COPB2: variants seen among roughly 807,000 people sequenced by gnomAD.
COPB2 encodes coat protein complex I subunit beta 2.
A neutral mutation model predicts 120.8 loss-of-function variants in COPB2; 16 were observed. The observed-to-expected ratio is 0.13, with a 90% CI of 0.09 to 0.20. The LOEUF (loss-of-function observed/expected upper bound fraction) is 0.20. Among genes scored for constraint, COPB2 ranks in the 10% least tolerant of loss-of-function variants. The pLI, the probability that COPB2 is intolerant of heterozygous loss-of-function variation, is 1.00. For missense variants in COPB2, 794 were observed against 1,076.5 expected, an observed-to-expected ratio of 0.74 and a Z score of 3.67; for synonymous variants, 332 against 366.3, an observed-to-expected ratio of 0.91 and a Z score of 1.07.
intron 15 of COPB2, 39 bp downstream of exon 15, chr3:139,366,529 A>G (rs781655039): frequency 2.9e-5 from 45 of 1,548,574 alleles, no homozygotes; most frequent in Non-Finnish European, 3.5e-5. Flanking sequence ...TCAAATTGCA[A>G]GTTTTAAAAA....
At position 139,359,145 on chromosome 3, in the gene COPB2, T is replaced by A; in HGVS notation, c.2337A>T (p.Lys779Asn). 6.2e-7 allele frequency: 1 copy of A among 1,613,934 alleles called. No individual in the cohort carries two copies. The stretch of plus-strand genomic sequence containing the variant: ...GGGATTCTGCTGCTTTCTGATTGAC[T>A]TTTGAGAGATTCTCTCTCCAGAGTT... Reference protein sequence around the residue: ...VVKLWRENLSKVNQKAAESLA... With the variant: ...VVKLWRENLSNVNQKAAESLA... Residue 779 changes from lysine to asparagine, a missense_variant, in exon 19 of 22, where the codon AAA becomes AAT. Physicochemically the swap from Lys to Asn is moderately conservative, Grantham distance 94 (BLOSUM62 0). This residue lies in a region of COPB2 where 178 missense variants were observed against 183.2 expected (regional missense o/e 0.97). Transcript: ENST00000333188.
At position 139,357,671 on chromosome 3, in the gene COPB2, AAC is replaced by A. The variant is rs1377688312; in HGVS notation, c.*190_*191del. 38 of 419,592 alleles carry A rather than the reference AAC, an allele frequency of 9.1e-5. No homozygotes were observed. Among genetic ancestry groups the A allele is most frequent in the African/African-American group, 3.7e-4 (18 of 48,736 alleles). The allele number at this position is 419,592 out of a possible 1,614,324, so 26.0% of individuals were successfully genotyped here. A position where few individuals can be genotyped will look rare whatever the true frequency, so the allele number is the denominator to read the frequency against. Reference sequence around the variant, plus strand: ...CATGTCTGTTTTAGTTAACAAGGAAAACACAGTGATTTAAATGCTGCACATAA... The same window carrying A: ...CATGTCTGTTTTAGTTAACAAGGAAAACAGTGATTTAAATGCTGCACATAA... On this transcript the variant is annotated 3_prime_UTR_variant, in exon 22 of 22. Coordinates refer to ENST00000333188, the MANE Select transcript of COPB2 (RefSeq NM_004766.3).
At chr3:139,371,520 C>G (rs1941622729) in intron 10 of COPB2, among the ~76,000 whole-genome samples, 1 of 152,214 alleles carries the variant, frequency 6.6e-6, no homozygotes, top group Non-Finnish European at 1.5e-5. Flanking sequence ...TTGAGTGAGC[C>G]AGCCTAACGC....
At chr3:139,371,196 A>G (rs1413110315) in intron 10 of COPB2, among the ~76,000 whole-genome samples, 1 of 152,256 alleles carries the variant, frequency 6.6e-6, no homozygotes, top group Admixed American at 6.5e-5. Context: ...TAATGAGAAC[A>G]TTTTATGAAC....
intron 6 of COPB2, 23 bp downstream of exon 6, chr3:139,375,442 GGAA>G (rs753595093): frequency 6.3e-7 from 1 of 1,598,330 alleles, no homozygotes; most frequent in East Asian, 2.2e-5. Flanking sequence ...TCTAACATAT[GGAA>G]GTAAGGTTAT....
chr3:139,369,773 A>C (rs558398254), intron 10 of COPB2, among the ~76,000 whole-genome samples: 1 of 152,354 alleles, frequency 6.6e-6, no homozygotes, highest in South Asian at 2.1e-4. Context: ...TAGGGCTTAC[A>C]AACCACTTTA....
At chr3:139,371,232 T>G (rs959550817) in intron 10 of COPB2, among the ~76,000 whole-genome samples, 1 of 152,234 alleles carries the variant, frequency 6.6e-6, no homozygotes, top group African/African-American at 2.4e-5. Flanking sequence ...AGAAATTTGT[T>G]AAGAATGGGC....
intron 10 of COPB2, among the ~76,000 whole-genome samples, chr3:139,369,999 C>G (rs1287411383): frequency 6.6e-6 from 1 of 152,160 alleles, no homozygotes; most frequent in Non-Finnish European, 1.5e-5. Flanking sequence ...AAAGACAACT[C>G]TAATCTATAT....
intron 5 of COPB2, among the ~76,000 whole-genome samples, chr3:139,377,197 C>T (rs1941729354): frequency 6.6e-6 from 1 of 152,158 alleles, no homozygotes; most frequent in African/African-American, 2.4e-5. Context: ...TCCCCCAAAT[C>T]CAGTATTTCA....
Position 139,359,028 on chromosome 3 carries a change from C to T in COPB2, c.2454G>A (p.Leu818=), listed in dbSNP as rs753902690. The T allele has an allele frequency of 6.2e-7, 1 of 1,613,380 alleles. No individual in the cohort carries two copies. The highest frequency in any genetic ancestry group is 1.3e-5 in the African/African-American group (1 of 74,894). Residue 818 remains leucine (L), a synonymous_variant, in exon 19 of 22, where the codon CTG becomes CTA. Coordinates refer to ENST00000333188, the MANE Select transcript of COPB2 (RefSeq NM_004766.3). ...CAAGTGGGTATTGTTTGGCTGGCCA[C>T]AGATCAGCATGTGTTTCCTTCACCC... ...EEWVKETHAD[L]WPAKQYPLVT...
intron 19 of COPB2, 33 bp downstream of exon 19, chr3:139,358,965 C>T: frequency 1.9e-6 from 3 of 1,603,844 alleles, no homozygotes; most frequent in Non-Finnish European, 2.6e-6. Context: ...CCTGTAGTTA[C>T]AATAAATGAA....
At chr3:139,375,447 T>A (rs1941695859) in intron 6 of COPB2, 21 bp downstream of exon 6, 1 of 1,606,622 alleles carries the variant, frequency 6.2e-7, no homozygotes, top group Non-Finnish European at 8.5e-7. Flanking sequence ...CATATGGAAG[T>A]AAGGTTATGA....
chr3:139,388,124 CAGA>C (rs1941958289), intron 1 of COPB2, among the ~76,000 whole-genome samples: 2 of 152,066 alleles, frequency 1.3e-5, no homozygotes, highest in East Asian at 3.9e-4. Context: ...TGAAATTAGG[CAGA>C]TCCAAGAGCC....
At position 139,366,624 on chromosome 3, in the gene COPB2, G is replaced by T; in HGVS notation, c.1828C>A (p.Leu610Ile). The T allele has an allele frequency of 6.2e-7, 1 of 1,614,058 alleles. No homozygotes were observed. Among genetic ancestry groups the T allele is most frequent in the Non-Finnish European group, 8.5e-7 (1 of 1,179,962 alleles). ...CTCTGTTCTTTTGGAATGGTAGGAAGGACCTTATCAGCCATGCTAAAGTCC... is the reference window on the plus strand; with the variant it reads ...CTCTGTTCTTTTGGAATGGTAGGAATGACCTTATCAGCCATGCTAAAGTCC... Reference protein sequence around the residue: ...RRDFSMADKVLPTIPKEQRTR... With the variant: ...RRDFSMADKVIPTIPKEQRTR... The change falls in exon 15 of 22, where the codon CTT (leucine) becomes ATT (isoleucine). Residue 610 changes from leucine (L) to isoleucine (I), a missense_variant. This residue lies in a region of COPB2 where 610 missense variants were observed against 866.7 expected (regional missense o/e 0.70). Coordinates refer to ENST00000333188, the MANE Select transcript of COPB2 (RefSeq NM_004766.3).
chr3:139,358,297 T>G, intron 20 of COPB2, 26 bp from the exon 21 acceptor site: 1 of 1,588,760 alleles, frequency 6.3e-7, no homozygotes. Context: ...AAGATATATA[T>G]GAAGACAAGG....
chr3:139,358,726 A>G lies in COPB2; in HGVS notation c.2553+18T>C, dbSNP rs767702153. ...GAACCATCTCAGCCAAATTTATCAC[A>G]TGAAGTGCTCTACTGACCTGTTGAG... On this transcript the variant is annotated intron_variant, in intron 20 of 21. Transcript: ENST00000333188. 2.5e-6 allele frequency: 4 copies of G among 1,576,068 alleles called. No homozygotes were observed. The highest frequency in any genetic ancestry group is 2.2e-5 in the South Asian group (2 of 90,048).
intron 12 of COPB2, among the ~76,000 whole-genome samples, chr3:139,368,544 C>A (rs971233300): frequency 5.3e-5 from 8 of 152,142 alleles, no homozygotes; most frequent in African/African-American, 1.4e-4. Flanking sequence ...CACAGAGGAC[C>A]AGTAGCCTAT....
intron 2 of COPB2, chr3:139,379,721 C>T (rs946185149): frequency 7.8e-6 from 3 of 382,620 alleles, no homozygotes; most frequent in Admixed American, 8.8e-5. Flanking sequence ...CTCTGTGCTC[C>T]AGCCCTTCCC....
intron 17 of COPB2, among the ~76,000 whole-genome samples, 166 bp downstream of exon 17, chr3:139,360,915 T>G (rs1403653568): frequency 6.6e-6 from 1 of 152,204 alleles, no homozygotes; most frequent in Admixed American, 6.5e-5. Flanking sequence ...AGGGCATCCC[T>G]TGCTGAAGGT....
Sources: gnomAD v4.1 joint callset for allele counts (sites outside exome capture counted in the v4.1 genomes callset) on GRCh38, gnomAD v4.1.1 for gene constraint, gnomAD v4.1.1 regional missense constraint, MANE v1.5 for transcripts, NCBI Gene and HGNC (gene_info 2026-07-23, HGNC 2026-07-21) for gene names.